MCTP1: variants seen among roughly 807,000 people sequenced by gnomAD.
MCTP1 encodes the protein multiple C2 and transmembrane domain-containing protein 1.
A neutral mutation model predicts 120.6 loss-of-function variants in MCTP1; 69 were observed. That is an observed-to-expected ratio of 0.57 (90% CI 0.47 to 0.70). MCTP1 has a LOEUF of 0.70. Ranked by LOEUF, MCTP1 falls within the 30% of genes least tolerant of loss-of-function variation. MCTP1 has a pLI of 0.00. For synonymous variants in MCTP1, 529 were observed against 493.1 expected, an observed-to-expected ratio of 1.07 and a Z score of -0.96; for missense variants, 1,203 against 1,248.8, an observed-to-expected ratio of 0.96 and a Z score of 0.55.
intron 4 of MCTP1, among the ~76,000 whole-genome samples, chr5:94,940,575 T>G (rs967263380): frequency 8.4e-6 from 1 of 119,444 alleles, no homozygotes; most frequent in Non-Finnish European, 1.8e-5. Context: ...TATATATATA[T>G]ACATATATAT....
chr5:95,222,029 G>A (rs1461011127), intron 1 of MCTP1, among the ~76,000 whole-genome samples: 1 of 152,188 alleles, frequency 6.6e-6, no homozygotes, highest in Non-Finnish European at 1.5e-5. Flanking sequence ...TCTAGATGGA[G>A]TAACTGAAAA....
intron 1 of MCTP1, among the ~76,000 whole-genome samples, chr5:95,205,119 T>C (rs1751478153): frequency 6.6e-6 from 1 of 152,132 alleles, no homozygotes; most frequent in African/African-American, 2.4e-5. Context: ...AACAAGATAA[T>C]GTAGTATTGT....
chr5:95,107,947 C>T (rs1468931182), intron 1 of MCTP1, among the ~76,000 whole-genome samples: 2 of 152,182 alleles, frequency 1.3e-5, no homozygotes, highest in East Asian at 3.9e-4. Context: ...ACCTATCAAC[C>T]CATCACCTAG....
rs145813524 is a variant in MCTP1 at position 95,002,703 on chromosome 5, T to C, written c.838+14664A>G. ...AAGAATTAACTAACTTGCTTTTGAT[T>C]TTACAGGCTCATAGGCAGAAGGGAC... is the stretch of plus-strand genomic sequence containing the variant. On this transcript the variant is annotated intron_variant, in intron 2 of 22. Transcript: ENST00000515393. Among the ~76,000 whole-genome samples, 4 of 152,324 alleles carry C rather than the reference T, an allele frequency of 2.6e-5. No individual in the cohort carries two copies. In the South Asian group the frequency reaches 8.3e-4, roughly 32 times the overall value.
intron 16 of MCTP1, among the ~76,000 whole-genome samples, chr5:94,868,903 A>G (rs1328996324): frequency 1.3e-5 from 2 of 151,996 alleles, no homozygotes; most frequent in Non-Finnish European, 2.9e-5. Context: ...TTTATAGACA[A>G]CAAAATGTCT....
At chr5:94,888,789 A>G in intron 12 of MCTP1, 90 bp downstream of exon 12, 1 of 711,462 alleles carries the variant, frequency 1.4e-6, no homozygotes, top group Non-Finnish European at 2.4e-6. Flanking sequence ...TTGATGATCC[A>G]TCAGGTGAAA....
chr5:94,797,765 T>C (rs891886374), intron 18 of MCTP1, among the ~76,000 whole-genome samples: 9 of 152,154 alleles, frequency 5.9e-5, no homozygotes, highest in Non-Finnish European at 1.2e-4. Flanking sequence ...TTCCCTCACA[T>C]TTATAATCTA....
chr5:94,978,492 G>GTA lies in MCTP1; in HGVS notation c.839-25133_839-25132dup, dbSNP rs544946634. Among the ~76,000 whole-genome samples, 961 of 151,816 alleles carry GTA rather than the reference G, an allele frequency of 6.3e-3. 10 individuals carry two copies. The highest frequency in any genetic ancestry group is 0.021 in the African/African-American group (872 of 41,474). ...AATGCATGCATAAAAAGAAGATGTG[G>GTA]TATATATATATAATGGAATATTATT... is the stretch of plus-strand genomic sequence containing the variant. On this transcript the variant is annotated intron_variant, in intron 2 of 22. Transcript: ENST00000515393.
intron 1 of MCTP1, among the ~76,000 whole-genome samples, chr5:95,198,597 C>A (rs1750648919): frequency 6.6e-6 from 1 of 152,146 alleles, no homozygotes; most frequent in African/African-American, 2.4e-5. Context: ...CAGGATTTAT[C>A]AGGTCGGAAT....
At chr5:95,215,254 A>T (rs921508625) in intron 1 of MCTP1, among the ~76,000 whole-genome samples, 1 of 152,216 alleles carries the variant, frequency 6.6e-6, no homozygotes, top group Non-Finnish European at 1.5e-5. Flanking sequence ...GATCAATTCA[A>T]TTAACTGATT....
At chr5:94,856,888 T>C (rs1490506776) in intron 17 of MCTP1, among the ~76,000 whole-genome samples, 2 of 151,664 alleles carry the variant, frequency 1.3e-5, no homozygotes, top group African/African-American at 4.8e-5. Flanking sequence ...TTAACATTTC[T>C]GGCCTTTCAA....
intron 20 of MCTP1, 86 bp from the exon 21 acceptor site, chr5:94,711,013 T>A: frequency 1.1e-6 from 1 of 887,600 alleles, no homozygotes; most frequent in Non-Finnish European, 1.8e-6. Context: ...ACTTGGGACC[T>A]AGTTAGTCTG....
At chr5:94,772,034 C>A (rs150542376) in intron 19 of MCTP1, among the ~76,000 whole-genome samples, 11 of 152,160 alleles carry the variant, frequency 7.2e-5, no homozygotes, top group Non-Finnish European at 1.5e-4. Flanking sequence ...GTCCCCACCC[C>A]CTACCAGTTA....
chr5:94,713,289 A>G (rs1757773067), intron 20 of MCTP1, among the ~76,000 whole-genome samples: 1 of 151,962 alleles, frequency 6.6e-6, no homozygotes, highest in Non-Finnish European at 1.5e-5. Flanking sequence ...CCTGTGCCAT[A>G]TTCCTGTACC....
intron 1 of MCTP1, among the ~76,000 whole-genome samples, chr5:95,219,278 A>G (rs1753398160): frequency 6.6e-6 from 1 of 151,096 alleles, no homozygotes; most frequent in Non-Finnish European, 1.5e-5. Flanking sequence ...GCTACTCAGG[A>G]GGCTGAGGCA....
chr5:95,218,620 A>G (rs1264798787), intron 1 of MCTP1, among the ~76,000 whole-genome samples: 2 of 152,224 alleles, frequency 1.3e-5, no homozygotes, highest in Non-Finnish European at 2.9e-5. Flanking sequence ...ACTGAGCTCC[A>G]GGTAACTTTA....
intron 1 of MCTP1, among the ~76,000 whole-genome samples, chr5:95,162,102 C>T (rs576391108): frequency 1.7e-4 from 26 of 152,208 alleles, no homozygotes; most frequent in Admixed American, 5.2e-4. Context: ...GGTATAAAAA[C>T]GATACCAGGA....
At chr5:94,886,933 G>A (rs184250029) in intron 12 of MCTP1, among the ~76,000 whole-genome samples, 5 of 152,158 alleles carry the variant, frequency 3.3e-5, no homozygotes, top group Admixed American at 1.3e-4. Context: ...TTTAAAATTG[G>A]TAGTATATTC....
chr5:95,191,478 T>C (rs1749823697), intron 1 of MCTP1, among the ~76,000 whole-genome samples: 1 of 151,998 alleles, frequency 6.6e-6, no homozygotes, highest in African/African-American at 2.4e-5. Flanking sequence ...GTTATTGATT[T>C]AGAAACCATC....
Sources: gnomAD v4.1 joint callset for allele counts (sites outside exome capture counted in the v4.1 genomes callset) on GRCh38, gnomAD v4.1.1 for gene constraint, MANE v1.5 for transcripts, NCBI Gene and HGNC (gene_info 2026-07-23, HGNC 2026-07-21) for gene names.